The following HELQ variants were observed in gnomAD, a reference collection of about 807,000 sequenced individuals.
The protein encoded by HELQ is helicase, POLQ like.
HELQ carries 77 observed loss-of-function variants against 111.6 expected under a neutral mutation model. The observed-to-expected ratio is 0.69, with a 90% CI of 0.57 to 0.83. The LOEUF is 0.83. Ranked by LOEUF, HELQ falls within the 40% of genes least tolerant of loss-of-function variation. HELQ has a pLI of 0.00. For synonymous variants in HELQ, 438 were observed against 454.7 expected (o/e 0.96, Z 0.47); for missense variants, 1,200 against 1,288.5 (o/e 0.93, Z 1.05).
Position 83,431,736 on chromosome 4 carries a change from GT to G in HELQ, c.2222del (p.Asn741ThrfsTer21). Reference sequence around the variant, plus strand: ...ATTCCTGAACAAGATGGCTGTAACAGTTTTCCAATGGTTTAGTTATTAACTC... The same window carrying G: ...ATTCCTGAACAAGATGGCTGTAACAGTTTCCAATGGTTTAGTTATTAACTC... The part of the protein sequence containing the change: ...VLELITKPLE[N>X]CYSHLVQEFT... On this transcript the variant is annotated frameshift_variant, in exon 11 of 18. Transcript: ENST00000295488. LOFTEE classifies it high-confidence loss of function. 6.5e-7 allele frequency: 1 copy of G among 1,535,636 alleles called. No individual in the cohort carries two copies. The highest frequency in any genetic ancestry group is 8.8e-7 in the Non-Finnish European group (1 of 1,137,774).
intron 11 of HELQ, among the ~76,000 whole-genome samples, chr4:83,430,274 T>TAAA (rs141214516): frequency 1.6e-5 from 2 of 122,186 alleles, no homozygotes; most frequent in African/African-American, 5.7e-5. Flanking sequence ...TAAAGTATAA[T>TAAA]AAAAAAAAAA....
At chr4:83,412,178 T>G (rs116453868) in intron 17 of HELQ, among the ~76,000 whole-genome samples, 914 of 152,336 alleles carry the variant, frequency 6.0e-3, no homozygotes, top group African/African-American at 0.02. Context: ...TTTTCCTTCT[T>G]TATGAATGAG....
intron 4 of HELQ, 67 bp from the exon 5 acceptor site, chr4:83,446,153 T>C (rs987273630): frequency 1.9e-6 from 2 of 1,030,372 alleles, no homozygotes; most frequent in Non-Finnish European, 1.5e-6. Context: ...AAAACATGCA[T>C]ATATTCATAT....
chr4:83,452,192 T>A (rs914947360), intron 2 of HELQ, among the ~76,000 whole-genome samples: 1 of 152,256 alleles, frequency 6.6e-6, no homozygotes, highest in Admixed American at 6.5e-5. Context: ...CCAGAATGGC[T>A]TTGAATGTGG....
intron 7 of HELQ, 92 bp from the exon 8 acceptor site, chr4:83,440,100 A>C (rs1005271571): frequency 1.1e-6 from 1 of 914,936 alleles, no homozygotes; most frequent in Admixed American, 2.6e-5. Context: ...TAAATAAACC[A>C]TCTATAATTC....
chr4:83,440,790 A>G (rs190666437), intron 7 of HELQ, among the ~76,000 whole-genome samples: 15 of 152,282 alleles, frequency 9.9e-5, no homozygotes, highest in African/African-American at 3.4e-4. Context: ...TCACAGCCCC[A>G]GGGCCCAAAG....
In HELQ at chr4:83,455,628, C is replaced by T; in HGVS notation, c.66G>A (p.Leu22=). The change falls in exon 1 of 18, where the codon TTG becomes TTA. Residue 22 remains leucine, a synonymous_variant. Coordinates refer to ENST00000295488, the MANE Select transcript of HELQ (RefSeq NM_133636.5). ...CGGTGGGAGCGCCAAAAATACACCC[C>T]AAGCTTGGACGGTTCCTTTTGGGGA... The part of the protein sequence containing the change: ...VSLPKRNRPS[L]GCIFGAPTAA... 1 of 1,613,924 alleles carries T rather than the reference C, an allele frequency of 6.2e-7. No individual in the cohort carries two copies. Among genetic ancestry groups the T allele is most frequent in the Non-Finnish European group, 8.5e-7 (1 of 1,180,034 alleles).
chr4:83,455,138 G>A, intron 1 of HELQ: 1 of 523,266 alleles, frequency 1.9e-6, no homozygotes, highest in Non-Finnish European at 3.3e-6. Flanking sequence ...TGTACAGTAG[G>A]AGCTGCAGTT....
chr4:83,450,772 C>A (rs941619833), intron 2 of HELQ, among the ~76,000 whole-genome samples: 7 of 151,736 alleles, frequency 4.6e-5, no homozygotes, highest in African/African-American at 1.7e-4. Flanking sequence ...TCAGGACCAG[C>A]CTAGGCAACA....
intron 2 of HELQ, among the ~76,000 whole-genome samples, chr4:83,449,349 T>G (rs925879559): frequency 6.6e-6 from 1 of 152,206 alleles, no homozygotes; most frequent in South Asian, 2.1e-4. Flanking sequence ...TATATAAGCT[T>G]CCCTTCCTCA....
intron 17 of HELQ, among the ~76,000 whole-genome samples, chr4:83,409,047 A>C (rs74573161): frequency 0.031 from 4,710 of 152,214 alleles, 251 homozygotes; most frequent in African/African-American, 0.11. Flanking sequence ...CAAAATTTAC[A>C]ATCTTGTAGG....
chr4:83,432,136 T>C lies in HELQ; in HGVS notation c.2180A>G (p.Asp727Gly). ...GESILILQEK[D>G]KQQVLELITK... ...CAAATTGAGTATTACCTGTTGTTTG[T>C]CTTTTTCTTGCAATATGAGGATACT... The change falls in exon 10 of 18, where the codon GAC becomes GGC. Residue 727 changes from aspartate (D) to glycine (G), a missense_variant. Transcript: ENST00000295488. 1 of 1,579,640 alleles carries C rather than the reference T, an allele frequency of 6.3e-7. No individual in the cohort carries two copies.
chr4:83,450,380 A>C (rs1460594821), intron 2 of HELQ, among the ~76,000 whole-genome samples: 3 of 151,534 alleles, frequency 2.0e-5, no homozygotes, highest in African/African-American at 7.3e-5. Flanking sequence ...AAAAAAAGAA[A>C]GTTATATCTG....
intron 2 of HELQ, among the ~76,000 whole-genome samples, chr4:83,449,571 G>A (rs759557763): frequency 4.6e-5 from 7 of 152,044 alleles, no homozygotes; most frequent in Admixed American, 6.6e-5. Flanking sequence ...TTGGCAAGGC[G>A]GGATTCATGA....
Position 83,448,973 on chromosome 4 carries a change from A to T in HELQ, c.1013-12T>A, listed in dbSNP as rs958006862. 18 of 984,452 alleles carry T rather than the reference A, an allele frequency of 1.8e-5. 1 individual carries two copies. The highest frequency in any genetic ancestry group is 8.3e-5 in the South Asian group (4 of 48,122). The allele number at this position is 984,452 out of a possible 1,614,324, so 61.0% of individuals were successfully genotyped here. A position where few individuals can be genotyped will look rare whatever the true frequency, so the allele number is the denominator to read the frequency against. On this transcript the variant is annotated splice_polypyrimidine_tract_variant and intron_variant, in intron 2 of 17. Coordinates refer to ENST00000295488, the MANE Select transcript of HELQ (RefSeq NM_133636.5). ...AGTATGTTGCCATTCTGTGGAATTAAAAAAAAAAAGGCATTATTTTCCCCT... is the reference window on the plus strand; with the variant it reads ...AGTATGTTGCCATTCTGTGGAATTATAAAAAAAAAGGCATTATTTTCCCCT...
Position 83,429,406 on chromosome 4 carries a change from C to T in HELQ, c.2518+118G>A, listed in dbSNP as rs1578081136. ...TCAAGTGATCCGCTCCCCTTGGCCTCCCAGAGTGTTGGGATTACAGGCGTG... is the reference window on the plus strand; with the variant it reads ...TCAAGTGATCCGCTCCCCTTGGCCTTCCAGAGTGTTGGGATTACAGGCGTG... On this transcript the variant is annotated intron_variant, in intron 12 of 17. Coordinates refer to ENST00000295488, the MANE Select transcript of HELQ (RefSeq NM_133636.5). The T allele has an allele frequency of 4.0e-6, 3 of 744,502 alleles. No individual in the cohort carries two copies. The East Asian group carries it at 7.9e-5, about 20-fold the overall frequency. The allele number at this position is 744,502 out of a possible 1,614,324, so 46.1% of individuals were successfully genotyped here.
intron 9 of HELQ, 81 bp from the exon 10 acceptor site, chr4:83,432,348 T>C (rs1198409371): frequency 1.9e-6 from 2 of 1,044,882 alleles, no homozygotes; most frequent in East Asian, 6.1e-5. Context: ...ATATTTGTGA[T>C]ATTAAATTTA....
At chr4:83,424,244 T>G (rs1285371315) in intron 14 of HELQ, among the ~76,000 whole-genome samples, 1 of 152,206 alleles carries the variant, frequency 6.6e-6, no homozygotes, top group African/African-American at 2.4e-5. Flanking sequence ...TTTATTATTA[T>G]TTGATAATTA....
chr4:83,413,551 A>G (rs771534616), intron 17 of HELQ, among the ~76,000 whole-genome samples: 2 of 152,196 alleles, frequency 1.3e-5, no homozygotes, highest in Non-Finnish European at 1.5e-5. Context: ...GATTTTAAAG[A>G]TGACCACAAA....
Sources: gnomAD v4.1 joint callset for allele counts (sites outside exome capture counted in the v4.1 genomes callset) on GRCh38, gnomAD v4.1.1 for gene constraint, MANE v1.5 for transcripts, NCBI Gene and HGNC (gene_info 2026-07-23, HGNC 2026-07-21) for gene names.